IDUA: variants seen among roughly 807,000 people sequenced by gnomAD.
IDUA encodes the protein alpha-L-iduronidase, also known as iduronidase alpha-L-.
Under a neutral mutation model 68.9 loss-of-function variants are expected in IDUA, and 65 were observed. That is an observed-to-expected ratio of 0.94 (90% confidence interval 0.77 to 1.16). The LOEUF (loss-of-function observed/expected upper bound fraction) is 1.16. Ranked by LOEUF, IDUA falls within the 50% of genes most tolerant of loss-of-function variation. The pLI is 0.00. For synonymous variants in IDUA, 529 were observed against 433.6 expected, an observed-to-expected ratio of 1.22 and a Z score of -2.73; for missense variants, 1,046 against 938.0, an observed-to-expected ratio of 1.12 and a Z score of -1.50.
At chr4:997,324 C>T (rs1480715901) in intron 2 of IDUA, among the ~76,000 whole-genome samples, 3 of 150,690 alleles carry the variant, frequency 2.0e-5, no homozygotes, top group Non-Finnish European at 4.4e-5. Context: ...CCGGCCTCCG[C>T]CCCTGCCCCG....
chr4:991,509 C>T (rs372524196), intron 2 of IDUA: 47 of 1,609,212 alleles, frequency 2.9e-5, no homozygotes, highest in Middle Eastern at 1.6e-4. Flanking sequence ...GGTACTCCCG[C>T]GGGCGGTACT....
chr4:998,719 C>G (rs952575781), intron 2 of IDUA, among the ~76,000 whole-genome samples: 7 of 152,174 alleles, frequency 4.6e-5, no homozygotes, highest in Non-Finnish European at 1.0e-4. Flanking sequence ...CAGTCTCACT[C>G]CAAGCTCATC....
At chr4:987,771 T>G (rs1713851097) in intron 1 of IDUA, 38 bp from the exon 2 acceptor site, 1 of 1,610,694 alleles carries the variant, frequency 6.2e-7, no homozygotes, top group South Asian at 1.1e-5. Context: ...CCAGCCATGC[T>G]GAGGCTCGGG....
chr4:991,765 C>T lies in IDUA; in HGVS notation c.299+3816C>T, dbSNP rs540622034. On this transcript the variant is annotated intron_variant, in intron 2 of 13. Coordinates refer to ENST00000514224, the MANE Select transcript of IDUA (RefSeq NM_000203.5). ...AGAAGAGGGCATGGTCACAGGAGCCCCCGGATCCAGGGCCAAACGACAAGG... is the reference window on the plus strand; with the variant it reads ...AGAAGAGGGCATGGTCACAGGAGCCTCCGGATCCAGGGCCAAACGACAAGG... The T allele has an allele frequency of 1.2e-5, 19 of 1,529,600 alleles. No homozygotes were observed. In the Middle Eastern group the frequency reaches 1.0e-3, roughly 82 times the overall value. 94.8% of individuals were successfully genotyped at this position (1,529,600 alleles called of 1,614,324 possible).
chr4:994,920 C>T (rs1049953720), intron 2 of IDUA, among the ~76,000 whole-genome samples: 2 of 152,052 alleles, frequency 1.3e-5, no homozygotes, highest in African/African-American at 4.8e-5. Context: ...AGCAAGAGCC[C>T]GTCTCAAAAA....
At chr4:1,003,303 C>A (rs1333393755) in intron 10 of IDUA, 42 bp from the exon 11 acceptor site, 2 of 1,404,224 alleles carry the variant, frequency 1.4e-6, no homozygotes, top group South Asian at 1.5e-5. Flanking sequence ...CGAGCGTCCC[C>A]AGCTCCCCTG....
In IDUA at chr4:987,891, C is replaced by T. The variant is rs773908263; in HGVS notation, c.241C>T (p.Pro81Ser). 1.2e-5 allele frequency: 20 copies of T among 1,610,362 alleles called. No homozygotes were observed. The South Asian group carries it at 2.1e-4, about 17-fold the overall frequency. ...CAACCTCGCCTATGTGGGCGCCGTC[C>T]CTCACCGCGGCATCAAGCAGGTCCG... ...QLNLAYVGAV[P>S]HRGIKQVRTH... The change falls in exon 2 of 14, where the codon CCT becomes TCT. Residue 81 changes from proline (P) to serine (S), a missense_variant. Transcript: ENST00000514224.
At position 988,010 on chromosome 4, in the gene IDUA, G is replaced by A. The variant is rs551143240; in HGVS notation, c.299+61G>A. 2.8e-4 allele frequency: 428 copies of A among 1,518,400 alleles called. 3 individuals carry two copies. The highest frequency in any genetic ancestry group is 1.3e-3 in the South Asian group (108 of 81,220). 94.1% of individuals were successfully genotyped at this position (1,518,400 alleles called of 1,614,324 possible). A position where few individuals can be genotyped will look rare whatever the true frequency, so the allele number is the denominator to read the frequency against. On this transcript the variant is annotated intron_variant, in intron 2 of 13. Transcript: ENST00000514224. The stretch of plus-strand genomic sequence containing the variant: ...CCTTACAGAGGCACAGATGGGAGGG[G>A]AGGGCTGGGGGCTGCTCGGAAGACC...
At chr4:990,577 C>T (rs1714209236) in intron 2 of IDUA, 2 of 592,280 alleles carry the variant, frequency 3.4e-6, no homozygotes, top group Admixed American at 3.0e-5. Flanking sequence ...TCCACGTGAG[C>T]ATCACACGTG....
At chr4:999,195 A>G (rs1212166335) in intron 2 of IDUA, among the ~76,000 whole-genome samples, 1 of 142,064 alleles carries the variant, frequency 7.0e-6, no homozygotes, top group African/African-American at 2.8e-5. Flanking sequence ...ACAGAGTGAG[A>G]CTCTGTCTCA....
chr4:988,027 C>G, intron 2 of IDUA, 78 bp downstream of exon 2: 1 of 1,495,514 alleles, frequency 6.7e-7, no homozygotes, highest in Non-Finnish European at 8.9e-7. Flanking sequence ...GGGGGCTGCT[C>G]GGAAGACCCC....
intron 12 of IDUA, 21 bp downstream of exon 12, chr4:1,003,646 C>G (rs769457425): frequency 6.2e-7 from 1 of 1,611,732 alleles, no homozygotes; most frequent in Admixed American, 1.7e-5. Flanking sequence ...GGGGCCGCCC[C>G]TCCCTCTGCC....
chr4:998,198 G>T (rs1386898512), intron 2 of IDUA, among the ~76,000 whole-genome samples: 1 of 152,186 alleles, frequency 6.6e-6, no homozygotes. Context: ...CCAGCCCGGG[G>T]TACAGGAGCA....
intron 2 of IDUA, chr4:990,398 G>A (rs1230421580): frequency 6.5e-7 from 1 of 1,534,152 alleles, no homozygotes; most frequent in South Asian, 1.2e-5. Flanking sequence ...GCAGGCGCCT[G>A]GCGGGAGCCA....
Position 1,000,949 on chromosome 4 carries a change from G to A in IDUA, c.453G>A (p.Glu151=), listed in dbSNP as rs1307075882. 2 of 1,613,474 alleles carry A rather than the reference G, an allele frequency of 1.2e-6. No homozygotes were observed. The highest frequency in any genetic ancestry group is 2.2e-5 in the East Asian group (1 of 44,888). The change falls in exon 4 of 14, where the codon GAG becomes GAA. Residue 151 remains glutamate, a synonymous_variant. Transcript: ENST00000514224. ...TDFEDKQQVF[E]WKDLVSSLAR... is the part of the protein sequence containing the mutation. ...TTGAGGACAAGCAGCAGGTGTTTGA[G>A]TGGAAGGACTTGGTCTCCAGCCTGG...
chr4:994,796 G>A (rs1714643347), intron 2 of IDUA, among the ~76,000 whole-genome samples: 1 of 152,050 alleles, frequency 6.6e-6, no homozygotes, highest in Admixed American at 6.6e-5. Context: ...GTGTGGTGGT[G>A]TGTGCCTGTA....
Position 1,001,496 on chromosome 4 carries a change from G to A in IDUA, c.522G>A (p.Lys174=), listed in dbSNP as rs939618645. The part of the protein sequence containing the change: ...IGRYGLAHVS[K]WNFETWNEPD... ...GGTACGGACTGGCGCATGTTTCCAA[G>A]TGGAACTTCGAGACGTGGAATGAGC... The change falls in exon 5 of 14, where the codon AAG becomes AAA. Residue 174 remains lysine, a synonymous_variant. Coordinates refer to ENST00000514224, the MANE Select transcript of IDUA (RefSeq NM_000203.5). 1.9e-6 allele frequency: 3 copies of A among 1,613,114 alleles called. No homozygotes were observed. The highest frequency in any genetic ancestry group is 1.3e-5 in the African/African-American group (1 of 74,904).
rs149750834 is a variant in IDUA, at chr4:988,938, G to C, written c.299+989G>C. 3.1e-6 allele frequency: 5 copies of C among 1,599,036 alleles called. No homozygotes were observed. In the Admixed American group the frequency reaches 8.6e-5, roughly 27 times the overall value. ...GCTGCTCCTCCTCAGCCGTGTCCCC[G>C]GGGCCCTCCCCGAGGAAGCCTCCTC... is the stretch of plus-strand genomic sequence containing the variant. On this transcript the variant is annotated intron_variant, in intron 2 of 13. Coordinates refer to ENST00000514224, the MANE Select transcript of IDUA (RefSeq NM_000203.5).
intron 8 of IDUA, 34 bp downstream of exon 8, chr4:1,002,519 GC>G: frequency 2.7e-6 from 4 of 1,459,292 alleles, no homozygotes; most frequent in Non-Finnish European, 3.6e-6. Context: ...GCCGGCCAGG[GC>G]CCTCCAGGCT....
Sources: gnomAD v4.1 joint callset for allele counts (sites outside exome capture counted in the v4.1 genomes callset) on GRCh38, gnomAD v4.1.1 for gene constraint, MANE v1.5 for transcripts, NCBI Gene and HGNC (gene_info 2026-07-23, HGNC 2026-07-21) for gene names.